Variants in TECRL observed in about 807,000 individuals in gnomAD.
The protein encoded by TECRL is trans-2,3-enoyl-CoA reductase like, also known as trans-2,3-enoyl-CoA reductase-like.
TECRL carries 63 observed loss-of-function variants against 52.8 expected under a neutral mutation model. The observed-to-expected ratio is 1.19, with a 90% CI of 0.97 to 1.47. The LOEUF is 1.47. Ranked by LOEUF, TECRL falls within the 40% of genes most tolerant of loss-of-function variation. TECRL has a pLI of 0.00. For synonymous variants in TECRL, 164 were observed against 141.9 expected, an observed-to-expected ratio of 1.16 and a Z score of -1.10; for missense variants, 482 against 429.6, an observed-to-expected ratio of 1.12 and a Z score of -1.08.
At chr4:64,297,184 AAAC>A (rs936619915) in intron 8 of TECRL, among the ~76,000 whole-genome samples, 9 of 151,556 alleles carry the variant, frequency 5.9e-5, no homozygotes, top group African/African-American at 2.2e-4. Flanking sequence ...GTAGTAGAAA[AAAC>A]AAGAGGGAGA....
At chr4:64,382,056 A>G (rs1456902717) in intron 1 of TECRL, among the ~76,000 whole-genome samples, 2 of 151,410 alleles carry the variant, frequency 1.3e-5, no homozygotes, top group Non-Finnish European at 1.5e-5. Context: ...CAGTATAGCA[A>G]CTCAGTGCTG....
chr4:64,309,679 G>A, intron 6 of TECRL, 147 bp downstream of exon 6: 3 of 655,574 alleles, frequency 4.6e-6, no homozygotes, highest in Non-Finnish European at 8.2e-6. Flanking sequence ...CAAAAAGAAT[G>A]ACATTTTAGG....
chr4:64,395,283 A>G (rs549884311), intron 1 of TECRL, among the ~76,000 whole-genome samples: 3 of 152,132 alleles, frequency 2.0e-5, no homozygotes, highest in Non-Finnish European at 2.9e-5. Context: ...TTAATACTTA[A>G]TCAATTGCAT....
At chr4:64,379,255 C>CACACACACACACACACAT (rs1722614344) in intron 1 of TECRL, among the ~76,000 whole-genome samples, 1 of 124,572 alleles carries the variant, frequency 8.0e-6, no homozygotes, top group African/African-American at 3.1e-5. Flanking sequence ...CATACACACA[C>CACACACACACACACACAT]ACACACACAC....
At chr4:64,276,962 AC>A (rs1211943212), downstream of TECRL, 4 of 1,142,220 alleles carry the variant, frequency 3.5e-6, no homozygotes, top group African/African-American at 6.1e-5. Context: ...CATGGCTGCT[AC>A]AGGATTATAC....
intron 2 of TECRL, among the ~76,000 whole-genome samples, chr4:64,346,597 G>A (rs1426785586): frequency 1.3e-5 from 2 of 152,264 alleles, no homozygotes; most frequent in African/African-American, 4.8e-5. Context: ...TGGAGCAGCT[G>A]AGACACAAGG....
In TECRL at chr4:64,409,321, C is replaced by A; in HGVS notation, c.31G>T (p.Glu11Ter). The change falls in exon 1 of 12, where the codon GAA becomes TAA. Residue 11 changes from glutamate to a stop codon, truncating the protein, a stop_gained. Coordinates refer to ENST00000381210, the MANE Select transcript of TECRL (RefSeq NM_001010874.5). LOFTEE classifies it high-confidence loss of function. MFKRHKSLAS[E>*]RKRALLSQRA... ...TGGGAAAGTAATGCTCTCTTGCGTT[C>A]CGAAGCGAGGGACTTGTGCCTTTTG... 6.2e-7 allele frequency: 1 copy of A among 1,613,592 alleles called. No homozygotes were observed. The highest frequency in any genetic ancestry group is 8.5e-7 in the Non-Finnish European group (1 of 1,179,716).
chr4:64,328,553 G>A lies in TECRL; in HGVS notation c.290C>T (p.Pro97Leu), dbSNP rs1718414917. 6.2e-7 allele frequency: 1 copy of A among 1,609,620 alleles called. No individual in the cohort carries two copies. Among genetic ancestry groups the A allele is most frequent in the South Asian group, 1.1e-5 (1 of 90,600 alleles). ...ACCAACTCGAGAAGGGTACCACTTTGGACCTATTCAATGAAAAATAACATT... is the reference window on the plus strand; with the variant it reads ...ACCAACTCGAGAAGGGTACCACTTTAGACCTATTCAATGAAAAATAACATT... ...DVKQKFHKACPKWYPSRVGLQ... is the reference protein window; with the variant it reads ...DVKQKFHKACLKWYPSRVGLQ... Residue 97 changes from proline to leucine, a missense_variant, in exon 3 of 12, where the codon CCA (proline) becomes CTA (leucine). By Grantham distance (98) the Pro-to-Leu change is moderately conservative. Coordinates refer to ENST00000381210, the MANE Select transcript of TECRL (RefSeq NM_001010874.5).
At chr4:64,382,706 A>G (rs934950372) in intron 1 of TECRL, among the ~76,000 whole-genome samples, 4 of 152,068 alleles carry the variant, frequency 2.6e-5, no homozygotes, top group Admixed American at 2.6e-4. Context: ...TTTATATTGT[A>G]GGTTGTTATT....
At chr4:64,287,166 G>T (rs907401771) in intron 9 of TECRL, among the ~76,000 whole-genome samples, 1 of 151,874 alleles carries the variant, frequency 6.6e-6, no homozygotes, top group Non-Finnish European at 1.5e-5. Flanking sequence ...TTTTCACCAA[G>T]ATAAAGCACA....
intron 1 of TECRL, among the ~76,000 whole-genome samples, chr4:64,396,106 C>T (rs1161138794): frequency 6.6e-6 from 1 of 151,724 alleles, no homozygotes; most frequent in Non-Finnish European, 1.5e-5. Context: ...CATGTCTTTG[C>T]TATTGTGAAT....
intron 1 of TECRL, among the ~76,000 whole-genome samples, chr4:64,391,831 A>T (rs1723567638): frequency 6.6e-6 from 1 of 151,940 alleles, no homozygotes; most frequent in Non-Finnish European, 1.5e-5. Context: ...ATTTAAGAAG[A>T]AATATGTTAC....
Position 64,362,328 on chromosome 4 carries a change from G to A in TECRL, c.286+12844C>T, listed in dbSNP as rs527521142. Among the ~76,000 whole-genome samples, 103 of 152,010 alleles carry A rather than the reference G, an allele frequency of 6.8e-4. 3 individuals are homozygous for A. Among genetic ancestry groups the A allele is most frequent in the African/African-American group, 2.3e-3 (95 of 41,474 alleles). ...CCAACCTTTCTAGAAAGGTCCACATGCAAATTCAGGAAACTCAGAGAACCA... is the reference window on the plus strand; with the variant it reads ...CCAACCTTTCTAGAAAGGTCCACATACAAATTCAGGAAACTCAGAGAACCA... On this transcript the variant is annotated intron_variant, in intron 2 of 11. Transcript: ENST00000381210.
intron 2 of TECRL, among the ~76,000 whole-genome samples, chr4:64,373,259 GA>G (rs1378504064): frequency 9.3e-5 from 14 of 151,190 alleles, no homozygotes; most frequent in Non-Finnish European, 1.9e-4. Context: ...TTGAAAAAGT[GA>G]AAAAAGTCAC....
intron 1 of TECRL, among the ~76,000 whole-genome samples, chr4:64,382,002 A>T (rs1722827052): frequency 6.6e-6 from 1 of 151,808 alleles, no homozygotes; most frequent in Non-Finnish European, 1.5e-5. Flanking sequence ...ATAGTATGAG[A>T]AAAATTATCA....
chr4:64,389,614 A>G (rs1255633637), intron 1 of TECRL, among the ~76,000 whole-genome samples: 1 of 151,758 alleles, frequency 6.6e-6, no homozygotes, highest in Admixed American at 6.6e-5. Context: ...TGTCAGGGTA[A>G]TGTTGGCATC....
chr4:64,339,183 G>A (rs1389115269), intron 2 of TECRL, among the ~76,000 whole-genome samples: 2 of 149,610 alleles, frequency 1.3e-5, no homozygotes, highest in Non-Finnish European at 3.0e-5. Context: ...TATCACAATG[G>A]CAAAAAACCA....
intron 3 of TECRL, among the ~76,000 whole-genome samples, chr4:64,328,265 A>G (rs1336927451): frequency 6.6e-6 from 1 of 151,940 alleles, no homozygotes; most frequent in African/African-American, 2.4e-5. Flanking sequence ...GACCAGTTAA[A>G]GCTTCACAAA....
In TECRL at chr4:64,284,999, C is replaced by T. The variant is rs78064387; in HGVS notation, c.833-3440G>A. Among the ~76,000 whole-genome samples, 1,140 of 152,030 alleles carry T rather than the reference C, an allele frequency of 7.5e-3. 8 individuals carry two copies. Among genetic ancestry groups the T allele is most frequent in the Non-Finnish European group, 0.013 (860 of 67,944 alleles). On this transcript the variant is annotated intron_variant, in intron 9 of 11. Coordinates refer to ENST00000381210, the MANE Select transcript of TECRL (RefSeq NM_001010874.5). ...AAAAGGACTTCATTGATTCAGGGAA[C>T]CATATACTAGAAAAAGTGGCATTTT...
Sources: gnomAD v4.1 joint callset for allele counts (sites outside exome capture counted in the v4.1 genomes callset) on GRCh38, gnomAD v4.1.1 for gene constraint, MANE v1.5 for transcripts, NCBI Gene and HGNC (gene_info 2026-07-23, HGNC 2026-07-21) for gene names.